Variants in LY9 observed in about 807,000 individuals in gnomAD.
LY9 encodes the protein lymphocyte antigen 9.
A neutral mutation model predicts 64.6 loss-of-function variants in LY9; 59 were observed. The observed-to-expected ratio is 0.91, with a 90% confidence interval of 0.74 to 1.13. LY9 has a LOEUF of 1.13. Among genes scored for constraint, LY9 ranks in the 50% most tolerant of loss-of-function variants. The probability of loss-of-function intolerance (pLI) is 0.00; values close to 1 mark genes in which losing one functional copy is unlikely to be tolerated. For missense variants in LY9, 789 were observed against 797.2 expected, an observed-to-expected ratio of 0.99 and a Z score of 0.12; for synonymous variants, 281 against 308.5, an observed-to-expected ratio of 0.91 and a Z score of 0.93.
chr1:160,815,723 A>C (rs1341581616), intron 4 of LY9, among the ~76,000 whole-genome samples: 2 of 152,216 alleles, frequency 1.3e-5, no homozygotes, highest in Non-Finnish European at 2.9e-5. Context: ...CATTTTGAAT[A>C]AGGCCAAAGT....
chr1:160,802,478 C>A (rs1374232615), intron 2 of LY9: 8 of 985,510 alleles, frequency 8.1e-6, no homozygotes, highest in Non-Finnish European at 9.6e-6. Context: ...ACCCATGATG[C>A]GGAGCTGGCC....
chr1:160,816,886 T>A (rs1668002462), intron 5 of LY9, 23 bp downstream of exon 5: 1 of 1,613,506 alleles, frequency 6.2e-7, no homozygotes, highest in African/African-American at 1.3e-5. Context: ...CTCTATTTAC[T>A]CAGGTCACAG....
At chr1:160,803,429 G>A (rs1666695559) in intron 2 of LY9, among the ~76,000 whole-genome samples, 1 of 152,084 alleles carries the variant, frequency 6.6e-6, no homozygotes, top group South Asian at 2.1e-4. Context: ...CCATGAGCAT[G>A]GGATATTTCT....
chr1:160,807,115 TG>T (rs1371816342), intron 2 of LY9, among the ~76,000 whole-genome samples: 1 of 152,230 alleles, frequency 6.6e-6, no homozygotes, highest in African/African-American at 2.4e-5. Context: ...TTGGTTAATT[TG>T]TCATTCATAT....
At chr1:160,801,184 A>G (rs1210508219) in intron 2 of LY9, among the ~76,000 whole-genome samples, 1 of 152,102 alleles carries the variant, frequency 6.6e-6, no homozygotes, top group African/African-American at 2.4e-5. Context: ...ATCCCCACCA[A>G]GAGTGTCTAA....
chr1:160,818,765 C>T (rs1362142148), intron 6 of LY9, among the ~76,000 whole-genome samples: 1 of 152,130 alleles, frequency 6.6e-6, no homozygotes, highest in Non-Finnish European at 1.5e-5. Flanking sequence ...CAACAGCTGG[C>T]AGCTCCAGAC....
intron 9 of LY9, among the ~76,000 whole-genome samples, chr1:160,826,266 A>T (rs1363936238): frequency 2.0e-5 from 3 of 152,192 alleles, no homozygotes; most frequent in Non-Finnish European, 2.9e-5. Flanking sequence ...GAGGAGGAAG[A>T]GGAAGGGTTG....
In LY9 at chr1:160,813,919, G is replaced by C. The variant is rs780015716; in HGVS notation, c.730+8G>C. On this transcript the variant is annotated splice_region_variant and intron_variant, in intron 3 of 9. Coordinates refer to ENST00000263285, the MANE Select transcript of LY9 (RefSeq NM_002348.4). ...TTGGGCAGTTCTGTACAGGTAACTG[G>C]CTCCAACTTGGCCCTTGAGGGAATT... The C allele has an allele frequency of 2.5e-6, 4 of 1,608,712 alleles. No homozygotes were observed. The Admixed American group carries it at 6.8e-5, about 27-fold the overall frequency.
At chr1:160,822,769 A>G (rs1668571890) in intron 7 of LY9, among the ~76,000 whole-genome samples, 1 of 152,178 alleles carries the variant, frequency 6.6e-6, no homozygotes. Flanking sequence ...CGGCCCTCAC[A>G]GCGCATCCAC....
rs895826040 is a variant in LY9 at position 160,814,517 on chromosome 1, C to T, written c.828C>T (p.Asp276=). Residue 276 remains aspartate, a synonymous_variant, in exon 4 of 10, where the codon GAC becomes GAT. Transcript: ENST00000263285. ...TLPLALPACR[D]TEKVVWLFNT... ...CACTTGCACTCCCAGCCTGCCGGGA[C>T]ACAGAGAAGGTTGTCTGGTTGTTTA... The T allele has an allele frequency of 1.9e-6, 3 of 1,613,988 alleles. No individual in the cohort carries two copies. Among genetic ancestry groups the T allele is most frequent in the Non-Finnish European group, 2.5e-6 (3 of 1,180,026 alleles).
At chr1:160,802,776 T>A in intron 2 of LY9, 5 of 569,408 alleles carry the variant, frequency 8.8e-6, no homozygotes, top group Non-Finnish European at 1.1e-5. Context: ...TTGTCAAAGG[T>A]CAATTGGCTA....
intron 2 of LY9, among the ~76,000 whole-genome samples, chr1:160,804,122 CTA>C (rs1432568248): frequency 6.6e-6 from 1 of 152,162 alleles, no homozygotes; most frequent in Non-Finnish European, 1.5e-5. Context: ...ACTTTCAGTA[CTA>C]TGTTGAATAA....
At chr1:160,824,634 AT>A (rs1035037843) in intron 9 of LY9, 13 of 983,602 alleles carry the variant, frequency 1.3e-5, no homozygotes, top group Non-Finnish European at 1.4e-5. Flanking sequence ...AACAACAAGA[AT>A]TTTTGGAAAA....
chr1:160,818,336 A>C lies in LY9; in HGVS notation c.1444+17A>C. 1 of 1,599,382 alleles carries C rather than the reference A, an allele frequency of 6.3e-7. No homozygotes were observed. Among genetic ancestry groups the C allele is most frequent in the Non-Finnish European group, 8.6e-7 (1 of 1,166,792 alleles). ...AAGGACGGTGTGAGTTTCCGAGATCAATGTTGTCCGCCAGTGCTAGGCCAT... is the reference window on the plus strand; with the variant it reads ...AAGGACGGTGTGAGTTTCCGAGATCCATGTTGTCCGCCAGTGCTAGGCCAT... On this transcript the variant is annotated intron_variant, in intron 6 of 9. Coordinates refer to ENST00000263285, the MANE Select transcript of LY9 (RefSeq NM_002348.4).
chr1:160,824,052 A>G, intron 8 of LY9, 129 bp from the exon 9 acceptor site: 1 of 1,155,640 alleles, frequency 8.7e-7, no homozygotes, highest in Non-Finnish European at 1.3e-6. Context: ...TCCCCACTGC[A>G]CTAAGGCAGC....
rs768514092 is a variant in LY9, at chr1:160,799,918, C to A, written c.290C>A (p.Thr97Asn). Residue 97 changes from threonine (T) to asparagine (N), a missense_variant, in exon 2 of 10, where the codon ACC becomes AAC. Thr to Asn is a moderately conservative substitution (Grantham distance 65). Transcript: ENST00000263285. ...TTCGCACGTCCCAAAGAAAATGTAA[C>A]CATTATGGTCAAAAGCTACCTGGGC... ...LAFARPKENV[T>N]IMVKSYLGRL... The A allele has an allele frequency of 5.0e-5, 81 of 1,613,654 alleles. No homozygotes were observed. Among genetic ancestry groups the A allele is most frequent in the Non-Finnish European group, 6.7e-5 (79 of 1,179,726 alleles).
At position 160,827,843 on chromosome 1, in the gene LY9, C is replaced by T. The variant is rs1448037728; in HGVS notation, c.*27C>T. 8 of 1,594,906 alleles carry T rather than the reference C, an allele frequency of 5.0e-6. No individual in the cohort carries two copies. In the African/African-American group the frequency reaches 6.7e-5, roughly 13 times the overall value. ...AGGAAAAGCAGCTGCTGCCTCTCTC[C>T]TGGGACCGTGGGGTTGGAAAGTCAG... On this transcript the variant is annotated 3_prime_UTR_variant, in exon 10 of 10. Transcript: ENST00000263285.
chr1:160,808,326 C>T (rs1370275949), intron 2 of LY9, among the ~76,000 whole-genome samples: 4 of 152,166 alleles, frequency 2.6e-5, no homozygotes, highest in Non-Finnish European at 2.9e-5. Flanking sequence ...GTTTTCCTAA[C>T]ACCTCAGACC....
chr1:160,826,356 T>C (rs1668852040), intron 9 of LY9, among the ~76,000 whole-genome samples: 1 of 152,074 alleles, frequency 6.6e-6, no homozygotes, highest in African/African-American at 2.4e-5. Context: ...GCACACTCAG[T>C]GTGATGTTTA....
Sources: gnomAD v4.1 joint callset for allele counts (sites outside exome capture counted in the v4.1 genomes callset) on GRCh38, gnomAD v4.1.1 for gene constraint, MANE v1.5 for transcripts, NCBI Gene and HGNC (gene_info 2026-07-23, HGNC 2026-07-21) for gene names.